Variants in TBC1D5 observed in about 807,000 individuals in gnomAD.
TBC1D5 encodes TBC1 domain family member 5, also known as TBC1 domain family, member 5.
A neutral mutation model predicts 100.3 loss-of-function variants in TBC1D5; 75 were observed. That is an observed-to-expected ratio of 0.75 (90% CI 0.62 to 0.91). The LOEUF is 0.91. Ranked by LOEUF, TBC1D5 falls within the 40% of genes least tolerant of loss-of-function variation. The probability of loss-of-function intolerance (pLI) is 0.00; values close to 1 mark genes in which losing one functional copy is unlikely to be tolerated. For missense variants in TBC1D5, 910 were observed against 942.4 expected (o/e 0.97, Z 0.45); for synonymous variants, 323 against 325.6 (o/e 0.99, Z 0.09).
rs565677824 is a variant in TBC1D5, at chr3:17,324,179, A to G, written c.996-16045T>C. On this transcript the variant is annotated intron_variant, in intron 13 of 21. Transcript: ENST00000253692. Reference sequence around the variant, plus strand: ...ACATACAAAAATTAACTCAAAATGGATAACAGGCCTAAGGGCAACGATTGT... The same window carrying G: ...ACATACAAAAATTAACTCAAAATGGGTAACAGGCCTAAGGGCAACGATTGT... 3.3e-5 allele frequency among the ~76,000 whole-genome samples: 5 copies of G among 152,366 alleles called. No individual in the cohort carries two copies. The South Asian group carries it at 8.3e-4, about 25-fold the overall frequency.
chr3:17,662,258 A>G (rs1158794511), intron 1 of TBC1D5, among the ~76,000 whole-genome samples: 2 of 152,198 alleles, frequency 1.3e-5, no homozygotes, highest in Non-Finnish European at 2.9e-5. Flanking sequence ...TTTCATATTT[A>G]TCTTCTCAGA....
intron 17 of TBC1D5, chr3:17,233,746 A>T: frequency 6.5e-7 from 1 of 1,539,940 alleles, no homozygotes; most frequent in Non-Finnish European, 8.8e-7. Flanking sequence ...CTGTAACTAC[A>T]TCGCCTGGAT....
At chr3:17,430,779 G>C (rs1355921551) in intron 3 of TBC1D5, among the ~76,000 whole-genome samples, 1 of 151,792 alleles carries the variant, frequency 6.6e-6, no homozygotes, top group Non-Finnish European at 1.5e-5. Flanking sequence ...GAAGGAAACT[G>C]TCTGACTATG....
intron 2 of TBC1D5, among the ~76,000 whole-genome samples, chr3:17,584,190 G>A (rs1043583367): frequency 1.3e-5 from 2 of 152,278 alleles, no homozygotes; most frequent in Admixed American, 6.5e-5. Context: ...TAGGGCTAAG[G>A]CAGAATTAAG....
chr3:17,426,919 C>T (rs973405256), intron 4 of TBC1D5, among the ~76,000 whole-genome samples: 2 of 151,892 alleles, frequency 1.3e-5, no homozygotes, highest in East Asian at 1.9e-4. Flanking sequence ...CGTGTTTATA[C>T]CTAATAAATT....
In TBC1D5 at chr3:17,603,939, C is replaced by A. The variant is rs964533186; in HGVS notation, c.-36+19910G>T. Among the ~76,000 whole-genome samples the A allele has an allele frequency of 2.0e-5, 3 of 152,220 alleles. No individual in the cohort carries two copies. The East Asian group carries it at 5.8e-4, about 29-fold the overall frequency. On this transcript the variant is annotated intron_variant, in intron 2 of 21. Coordinates refer to ENST00000253692, the Ensembl canonical transcript of TBC1D5. Reference sequence around the variant, plus strand: ...GGATTACAGGCGTGAGCCACCACGCCCGGCGCTATTCCTTTACTTTTCTTA... The same window carrying A: ...GGATTACAGGCGTGAGCCACCACGCACGGCGCTATTCCTTTACTTTTCTTA...
chr3:17,301,104 T>G (rs541095045), intron 14 of TBC1D5, among the ~76,000 whole-genome samples: 115 of 151,018 alleles, frequency 7.6e-4, no homozygotes, highest in African/African-American at 2.6e-3. Flanking sequence ...TATAAATAAA[T>G]TTATAGTGTT....
intron 1 of TBC1D5, among the ~76,000 whole-genome samples, chr3:17,642,561 A>G (rs1477227970): frequency 6.6e-6 from 1 of 152,124 alleles, no homozygotes; most frequent in Non-Finnish European, 1.5e-5. Flanking sequence ...ATTCTTCCAC[A>G]TACTCGTCAA....
At chr3:17,526,959 G>A (rs2096144204) in intron 2 of TBC1D5, among the ~76,000 whole-genome samples, 1 of 152,048 alleles carries the variant, frequency 6.6e-6, no homozygotes, top group Admixed American at 6.5e-5. Context: ...GGAAATCCAG[G>A]GCTGCACAAA....
chr3:17,519,787 G>A (rs1417215527), intron 2 of TBC1D5, among the ~76,000 whole-genome samples: 1 of 152,154 alleles, frequency 6.6e-6, no homozygotes, highest in African/African-American at 2.4e-5. Flanking sequence ...TATGTCGTAG[G>A]AATAGATATG....
chr3:17,473,475 TA>T (rs1389657906), intron 3 of TBC1D5, among the ~76,000 whole-genome samples: 1 of 152,234 alleles, frequency 6.6e-6, no homozygotes, highest in Non-Finnish European at 1.5e-5. Context: ...ATCCTTTATG[TA>T]TTTTAACTGT....
At chr3:17,243,232 G>A (rs1351182617) in intron 16 of TBC1D5, among the ~76,000 whole-genome samples, 2 of 152,126 alleles carry the variant, frequency 1.3e-5, no homozygotes, top group African/African-American at 4.8e-5. Flanking sequence ...TAAGGGAGCT[G>A]AATTTTATGA....
intron 18 of TBC1D5, among the ~76,000 whole-genome samples, chr3:17,191,860 G>A (rs182594984): frequency 2.9e-3 from 441 of 152,018 alleles, no homozygotes; most frequent in African/African-American, 0.01. Context: ...CTGCCCTCAA[G>A]TGATCCGCCT....
chr3:17,481,649 T>C (rs1270042799), intron 3 of TBC1D5, among the ~76,000 whole-genome samples: 1 of 152,252 alleles, frequency 6.6e-6, no homozygotes, highest in Non-Finnish European at 1.5e-5. Context: ...ATGCCACTCT[T>C]CGTAAGAATA....
At chr3:17,674,941 G>A (rs909754441) in intron 1 of TBC1D5, among the ~76,000 whole-genome samples, 4 of 151,910 alleles carry the variant, frequency 2.6e-5, no homozygotes, top group African/African-American at 4.8e-5. Flanking sequence ...ATGAAAATAC[G>A]TGAACATAGA....
At position 17,426,992 on chromosome 3, in the gene TBC1D5, T is replaced by C. The variant is rs547759601; in HGVS notation, c.167+1458A>G. On this transcript the variant is annotated intron_variant, in intron 4 of 21. Coordinates refer to ENST00000253692, the Ensembl canonical transcript of TBC1D5. ...CTCTGTTACATGTCAACTCCTAATA[T>C]TTATTTAACTATCTTTCATATTTAC... is the stretch of plus-strand genomic sequence containing the variant. 3.5e-3 allele frequency among the ~76,000 whole-genome samples: 531 copies of C among 152,156 alleles called. 4 individuals carry two copies. The highest frequency in any genetic ancestry group is 0.012 in the African/African-American group (503 of 41,578).
At chr3:17,594,877 T>C (rs575709763) in intron 2 of TBC1D5, among the ~76,000 whole-genome samples, 34 of 152,238 alleles carry the variant, frequency 2.2e-4, no homozygotes, top group African/African-American at 7.7e-4. Context: ...GTCAACTTGA[T>C]TAAAATGAAG....
At chr3:17,356,199 T>A (rs1397440887) in intron 13 of TBC1D5, among the ~76,000 whole-genome samples, 1 of 152,166 alleles carries the variant, frequency 6.6e-6, no homozygotes, top group Non-Finnish European at 1.5e-5. Flanking sequence ...CAATCTCCCA[T>A]TCATAATAAA....
intron 14 of TBC1D5, among the ~76,000 whole-genome samples, chr3:17,294,718 C>A (rs74716537): frequency 0.012 from 1,823 of 152,300 alleles, 29 homozygotes; most frequent in African/African-American, 0.041. Context: ...ATGCTAGGCA[C>A]CTGCACTAGG....
Sources: gnomAD v4.1 joint callset for allele counts (sites outside exome capture counted in the v4.1 genomes callset) on GRCh38, gnomAD v4.1.1 for gene constraint, MANE v1.5 for transcripts, NCBI Gene and HGNC (gene_info 2026-07-23, HGNC 2026-07-21) for gene names.